Variants in KAT2B observed in about 807,000 individuals in gnomAD.
KAT2B encodes lysine acetyltransferase 2B.
KAT2B carries 36 observed loss-of-function variants against 105.9 expected under a neutral mutation model. The observed-to-expected ratio is 0.34, with a 90% CI of 0.26 to 0.45. The LOEUF is 0.45. Among genes scored for constraint, KAT2B ranks in the 20% least tolerant of loss-of-function variants. The pLI is 1.00. For synonymous variants in KAT2B, 397 were observed against 377.9 expected (o/e 1.05, Z -0.59); for missense variants, 820 against 1,021.6 (o/e 0.80, Z 2.69).
intron 1 of KAT2B, among the ~76,000 whole-genome samples, chr3:20,061,075 A>G (rs547919870): frequency 3.3e-5 from 5 of 152,328 alleles, no homozygotes; most frequent in Admixed American, 6.5e-5. Context: ...CATCACCACC[A>G]TTCATCCACA....
intron 1 of KAT2B, among the ~76,000 whole-genome samples, chr3:20,052,697 G>C (rs371635657): frequency 2.0e-5 from 3 of 152,038 alleles, no homozygotes; most frequent in African/African-American, 7.2e-5. Context: ...GCCGGGCACG[G>C]TGGCTCATGC....
chr3:20,119,875 G>A (rs1034458691), intron 8 of KAT2B, 152 bp downstream of exon 8: 1 of 735,824 alleles, frequency 1.4e-6, no homozygotes, highest in Non-Finnish European at 2.2e-6. Context: ...GCTTTTGGCT[G>A]TACTGGTTAG....
At chr3:20,130,644 G>T (rs1699492646) in intron 11 of KAT2B, among the ~76,000 whole-genome samples, 1 of 152,106 alleles carries the variant, frequency 6.6e-6, no homozygotes. Context: ...ATACGAATTG[G>T]ATACTTTGTC....
intron 12 of KAT2B, among the ~76,000 whole-genome samples, chr3:20,139,134 T>C (rs1303849595): frequency 6.6e-6 from 1 of 151,982 alleles, no homozygotes; most frequent in African/African-American, 2.4e-5. Flanking sequence ...GGGCTGGTCT[T>C]GAACTCTTGG....
intron 5 of KAT2B, among the ~76,000 whole-genome samples, chr3:20,110,924 C>T (rs1203664987): frequency 6.6e-6 from 1 of 151,902 alleles, no homozygotes; most frequent in East Asian, 1.9e-4. Context: ...GAAAAATGTA[C>T]CTAGGCGACA....
chr3:20,110,735 T>C (rs1164418119), intron 5 of KAT2B, among the ~76,000 whole-genome samples: 1 of 151,792 alleles, frequency 6.6e-6, no homozygotes. Flanking sequence ...GAATAGACTT[T>C]TACTCTCCAC....
intron 2 of KAT2B, among the ~76,000 whole-genome samples, chr3:20,086,429 C>T (rs780955809): frequency 1.3e-5 from 2 of 151,972 alleles, no homozygotes; most frequent in Non-Finnish European, 2.9e-5. Context: ...TGAAACTTTG[C>T]GCCAACGGAA....
intron 1 of KAT2B, among the ~76,000 whole-genome samples, chr3:20,048,221 A>T (rs1025118296): frequency 1.3e-5 from 2 of 152,220 alleles, no homozygotes; most frequent in Non-Finnish European, 2.9e-5. Context: ...TGAGAGAAAG[A>T]TGTCCAAATT....
chr3:20,078,079 G>A (rs1448085883), intron 2 of KAT2B, among the ~76,000 whole-genome samples: 9 of 152,152 alleles, frequency 5.9e-5, no homozygotes, highest in Admixed American at 5.9e-4. Flanking sequence ...GGAGACTAAG[G>A]TGGGAGGGAG....
intron 2 of KAT2B, among the ~76,000 whole-genome samples, chr3:20,086,282 A>G (rs576427764): frequency 1.3e-5 from 2 of 151,220 alleles, no homozygotes; most frequent in Admixed American, 1.3e-4. Context: ...CAAAGAAAAC[A>G]AAAACAAAAA....
chr3:20,078,251 C>T (rs1231353524), intron 2 of KAT2B, among the ~76,000 whole-genome samples: 2 of 152,058 alleles, frequency 1.3e-5, no homozygotes, highest in Non-Finnish European at 2.9e-5. Flanking sequence ...GAAACAAATC[C>T]TTGTGATCAA....
chr3:20,125,689 T>G (rs1331631412), intron 9 of KAT2B, among the ~76,000 whole-genome samples: 1 of 152,202 alleles, frequency 6.6e-6, no homozygotes, highest in Non-Finnish European at 1.5e-5. Context: ...ATACTCCAAT[T>G]TCTCAAAATG....
intron 1 of KAT2B, among the ~76,000 whole-genome samples, chr3:20,054,689 G>A (rs958862833): frequency 6.6e-6 from 1 of 152,232 alleles, no homozygotes; most frequent in Non-Finnish European, 1.5e-5. Flanking sequence ...ATATCATAGT[G>A]ATTGATGGTG....
chr3:20,046,642 C>T (rs1281875804), intron 1 of KAT2B, among the ~76,000 whole-genome samples: 2 of 152,114 alleles, frequency 1.3e-5, no homozygotes, highest in African/African-American at 4.8e-5. Context: ...AGATGTGCCA[C>T]CACAAAACAA....
At chr3:20,151,288 T>C (rs1699865558) in intron 17 of KAT2B, among the ~76,000 whole-genome samples, 1 of 152,222 alleles carries the variant, frequency 6.6e-6, no homozygotes, top group Non-Finnish European at 1.5e-5. Flanking sequence ...ATTTAGGATA[T>C]TGATGCAAAT....
chr3:20,096,110 G>T (rs569457836), intron 3 of KAT2B, among the ~76,000 whole-genome samples: 6 of 152,286 alleles, frequency 3.9e-5, no homozygotes, highest in Admixed American at 2.6e-4. Flanking sequence ...GCGAGCAGAG[G>T]GTTGGGTGGG....
chr3:20,086,825 A>AGGCTGGAGTGCAGTGGCGCAGCCTC (rs11268707), intron 2 of KAT2B, among the ~76,000 whole-genome samples: 21 of 148,030 alleles, frequency 1.4e-4, no homozygotes, highest in Non-Finnish European at 3.0e-4. Flanking sequence ...GGAGTCTCGC[A>AGGCTGGAGTGCAGTGGCGCAGCCTC]GGCTGGAGTG....
intron 3 of KAT2B, among the ~76,000 whole-genome samples, chr3:20,098,763 A>G (rs1240509401): frequency 3.9e-5 from 6 of 152,174 alleles, no homozygotes; most frequent in Admixed American, 3.9e-4. Flanking sequence ...TTTATTGCTA[A>G]TTTGCTTTTA....
In KAT2B at chr3:20,100,042, C is replaced by T. The variant is rs1412602820; in HGVS notation, c.669+88C>T. 9.8e-6 allele frequency: 7 copies of T among 711,714 alleles called. No homozygotes were observed. In the African/African-American group the frequency reaches 1.3e-4, roughly 13 times the overall value. 44.1% of individuals were successfully genotyped at this position (711,714 alleles called of 1,614,324 possible). A position where few individuals can be genotyped will look rare whatever the true frequency, so the allele number is the denominator to read the frequency against. ...CTTTTATATCTCTATCTACGGCTTCCCTCCTCCATACCCAGGTTAGAGATG... is the reference window on the plus strand; with the variant it reads ...CTTTTATATCTCTATCTACGGCTTCTCTCCTCCATACCCAGGTTAGAGATG... On this transcript the variant is annotated intron_variant, in intron 4 of 17. Transcript: ENST00000263754.
Sources: gnomAD v4.1 joint callset for allele counts (sites outside exome capture counted in the v4.1 genomes callset) on GRCh38, gnomAD v4.1.1 for gene constraint, MANE v1.5 for transcripts, NCBI Gene and HGNC (gene_info 2026-07-23, HGNC 2026-07-21) for gene names.